DSCAM: variants seen among roughly 807,000 people sequenced by gnomAD.
The protein encoded by DSCAM is cell adhesion molecule DSCAM.
A neutral mutation model predicts 217.7 loss-of-function variants in DSCAM; 47 were observed. That is an observed-to-expected ratio of 0.22 (90% CI 0.17 to 0.28). The LOEUF (loss-of-function observed/expected upper bound fraction) is 0.28. DSCAM is among the 10% of genes least tolerant of loss of function. The probability of loss-of-function intolerance (pLI) is 1.00; values close to 1 mark genes in which losing one functional copy is unlikely to be tolerated. For synonymous variants in DSCAM, 1,056 were observed against 1,015.3 expected, an observed-to-expected ratio of 1.04 and a Z score of -0.76; for missense variants, 2,080 against 2,618.3, an observed-to-expected ratio of 0.79 and a Z score of 4.49.
chr21:40,410,927 A>G (rs1416162670), intron 3 of DSCAM, among the ~76,000 whole-genome samples: 1 of 152,216 alleles, frequency 6.6e-6, no homozygotes, highest in Non-Finnish European at 1.5e-5. Flanking sequence ...AGTGAGGAGC[A>G]TGAGAGTCAG....
At chr21:40,033,645 A>G (rs4818112) in intron 32 of DSCAM, among the ~76,000 whole-genome samples, 37 of 132,560 alleles carry the variant, frequency 2.8e-4, no homozygotes, top group African/African-American at 9.1e-4. Flanking sequence ...CAAAGCAGCC[A>G]GGAAGCTCGA....
chr21:40,749,148 C>T (rs2091203125), intron 1 of DSCAM, among the ~76,000 whole-genome samples: 1 of 152,022 alleles, frequency 6.6e-6, no homozygotes, highest in Admixed American at 6.6e-5. Context: ...AGAGGAAATG[C>T]TTCATGGAAT....
chr21:40,259,240 C>T (rs2073414166), intron 11 of DSCAM, among the ~76,000 whole-genome samples: 1 of 151,622 alleles, frequency 6.6e-6, no homozygotes, highest in African/African-American at 2.4e-5. Context: ...AAGTTCTCAC[C>T]TCCCTCGAAG....
rs532976893 is a variant in DSCAM, at chr21:40,134,091, C to T, written c.3407-82G>A. ...TTTCCGCACTGTCCCCACTGACTGTCCCTGTGCCATGCCATCACCCGTCCA... is the reference window on the plus strand; with the variant it reads ...TTTCCGCACTGTCCCCACTGACTGTTCCTGTGCCATGCCATCACCCGTCCA... On this transcript the variant is annotated intron_variant, in intron 18 of 32. Transcript: ENST00000400454. The T allele has an allele frequency of 6.7e-6, 10 of 1,501,312 alleles. No homozygotes were observed. In the African/African-American group the frequency reaches 1.4e-4, roughly 21 times the overall value. The allele number at this position is 1,501,312 out of a possible 1,614,324, so 93.0% of individuals were successfully genotyped here. A position where few individuals can be genotyped will look rare whatever the true frequency, so the allele number is the denominator to read the frequency against.
chr21:40,414,826 T>A (rs2075355863), intron 3 of DSCAM, among the ~76,000 whole-genome samples: 2 of 152,160 alleles, frequency 1.3e-5, no homozygotes, highest in African/African-American at 4.8e-5. Flanking sequence ...AGTCATCAGG[T>A]CTAAAAGCTA....
intron 3 of DSCAM, among the ~76,000 whole-genome samples, chr21:40,521,431 GT>G (rs1568874488): frequency 2.6e-5 from 4 of 152,072 alleles, no homozygotes. Context: ...ATCTTATTAT[GT>G]CTTTTGGATA....
chr21:40,308,378 T>C (rs929837179), intron 9 of DSCAM, among the ~76,000 whole-genome samples: 6 of 152,136 alleles, frequency 3.9e-5, no homozygotes, highest in Non-Finnish European at 5.9e-5. Context: ...TTCCTGAGAT[T>C]GCGGCTGAAT....
intron 14 of DSCAM, among the ~76,000 whole-genome samples, chr21:40,180,669 A>C (rs2090789171): frequency 6.6e-6 from 1 of 152,168 alleles, no homozygotes; most frequent in Admixed American, 6.5e-5. Flanking sequence ...CCCTGGAGGA[A>C]GTAGGCAGTT....
chr21:40,312,218 C>G lies in DSCAM; in HGVS notation c.1925G>C (p.Gly642Ala). ...KDGRPIPGSL[G>A]VTIDNIDFTS... The stretch of plus-strand genomic sequence containing the variant: ...GAAGTCAATATTGTCAATGGTCACC[C>G]CAAGGCTCCCAGGGATTGGCCGGCC... The change falls in exon 9 of 33, where the codon GGG (glycine) becomes GCG (alanine). Residue 642 changes from glycine (G) to alanine (A), a missense_variant. By Grantham distance (60) the Gly-to-Ala change is moderately conservative. Transcript: ENST00000400454. The G allele has an allele frequency of 6.2e-7, 1 of 1,614,006 alleles. No homozygotes were observed. Among genetic ancestry groups the G allele is most frequent in the Non-Finnish European group, 8.5e-7 (1 of 1,180,002 alleles).
At chr21:40,639,151 T>C (rs560579672) in intron 3 of DSCAM, among the ~76,000 whole-genome samples, 8 of 152,110 alleles carry the variant, frequency 5.3e-5, no homozygotes, top group Middle Eastern at 3.4e-3. Context: ...ATTTTGTGTC[T>C]GATGATAAAG....
intron 24 of DSCAM, among the ~76,000 whole-genome samples, chr21:40,082,937 T>C (rs2089483292): frequency 6.6e-6 from 1 of 152,274 alleles, no homozygotes; most frequent in Non-Finnish European, 1.5e-5. Flanking sequence ...TCTGAAATGC[T>C]CCTGACTTCC....
chr21:40,187,402 T>C (rs936524497), intron 13 of DSCAM, 143 bp from the exon 14 acceptor site: 8 of 1,166,644 alleles, frequency 6.9e-6, no homozygotes, highest in Non-Finnish European at 9.4e-6. Context: ...CATTTTCTTT[T>C]TCCTAATCAC....
At chr21:40,082,527 C>T (rs1164355675) in intron 24 of DSCAM, among the ~76,000 whole-genome samples, 2 of 119,754 alleles carry the variant, frequency 1.7e-5, no homozygotes, top group Non-Finnish European at 3.5e-5. Context: ...TTGTGCTGTG[C>T]ATCTGCAGCT....
intron 16 of DSCAM, among the ~76,000 whole-genome samples, chr21:40,156,471 G>A (rs2090480901): frequency 6.6e-6 from 1 of 152,164 alleles, no homozygotes; most frequent in African/African-American, 2.4e-5. Flanking sequence ...CCCACTGAAA[G>A]GTGAGCTTTA....
intron 3 of DSCAM, among the ~76,000 whole-genome samples, chr21:40,687,506 C>A (rs79855988): frequency 5.9e-5 from 9 of 151,886 alleles, no homozygotes; most frequent in African/African-American, 4.8e-5. Flanking sequence ...AAAGCAGAGG[C>A]CCCCCACAGC....
chr21:40,051,563 A>C (rs1416312651), intron 30 of DSCAM, among the ~76,000 whole-genome samples: 3 of 152,182 alleles, frequency 2.0e-5, no homozygotes, highest in African/African-American at 7.2e-5. Context: ...AGAGGCTATG[A>C]TACCTGCTTC....
intron 3 of DSCAM, among the ~76,000 whole-genome samples, chr21:40,425,732 G>C (rs933080886): frequency 2.7e-4 from 39 of 144,976 alleles, no homozygotes; most frequent in African/African-American, 4.1e-4. Flanking sequence ...CAAAAATACA[G>C]CTTTTTTTCT....
intron 1 of DSCAM, among the ~76,000 whole-genome samples, chr21:40,809,267 C>T (rs1381053694): frequency 6.6e-6 from 1 of 152,050 alleles, no homozygotes; most frequent in Non-Finnish European, 1.5e-5. Flanking sequence ...GACAAGGGGC[C>T]GTGTCTTGGT....
At chr21:40,531,362 C>T (rs2076445462) in intron 3 of DSCAM, among the ~76,000 whole-genome samples, 3 of 152,204 alleles carry the variant, frequency 2.0e-5, no homozygotes, top group Non-Finnish European at 2.9e-5. Context: ...CCCCTGTCTC[C>T]GTTTACCTGT....
Sources: gnomAD v4.1 joint callset for allele counts (sites outside exome capture counted in the v4.1 genomes callset) on GRCh38, gnomAD v4.1.1 for gene constraint, MANE v1.5 for transcripts, NCBI Gene and HGNC (gene_info 2026-07-23, HGNC 2026-07-21) for gene names.